SRRM1: variants seen among roughly 807,000 people sequenced by gnomAD.
SRRM1 encodes the protein serine and arginine repetitive matrix 1.
A neutral mutation model predicts 110.2 loss-of-function variants in SRRM1; 19 were observed. That is an observed-to-expected ratio of 0.17 (90% CI 0.12 to 0.25). SRRM1 has a LOEUF of 0.25. Ranked by LOEUF, SRRM1 falls within the 10% of genes least tolerant of loss-of-function variation. The pLI, the probability that SRRM1 is intolerant of heterozygous loss-of-function variation, is 1.00. For synonymous variants in SRRM1, 443 were observed against 414.9 expected (o/e 1.07, Z -0.82); for missense variants, 918 against 1,145.8 (o/e 0.80, Z 2.87).
Position 24,660,789 on chromosome 1 carries a change from A to G in SRRM1, c.1386A>G (p.Leu462=), listed in dbSNP as rs772612680. The change falls in exon 10 of 17, where the codon TTA becomes TTG. Residue 462 remains leucine (L), a synonymous_variant. Coordinates refer to ENST00000323848, the MANE Select transcript of SRRM1 (RefSeq NM_005839.4). ...CACCGAAGCCTAGAAAAGTAGAGTT[A>G]TCTGAATCGGGTAAGTTTGTTGTTT... ...SPAPKPRKVE[L]SESEEDKGGK... is the part of the protein sequence containing the mutation. The G allele has an allele frequency of 5.6e-6, 9 of 1,594,416 alleles. No individual in the cohort carries two copies. In the Admixed American group the frequency reaches 1.6e-4, roughly 28 times the overall value.
chr1:24,656,538 A>T (rs1000836478), intron 9 of SRRM1, among the ~76,000 whole-genome samples: 5 of 152,196 alleles, frequency 3.3e-5, no homozygotes, highest in African/African-American at 4.8e-5. Flanking sequence ...GCTTTTCAGC[A>T]TTGGGAAAAT....
intron 12 of SRRM1, 188 bp downstream of exon 12, chr1:24,662,992 G>A: frequency 1.0e-6 from 1 of 987,368 alleles, no homozygotes; most frequent in Non-Finnish European, 1.5e-6. Flanking sequence ...AATTAATTTA[G>A]AATTGGTAAA....
Position 24,669,476 on chromosome 1 carries a change from C to T in SRRM1, c.2093C>T (p.Pro698Leu). 6.2e-7 allele frequency: 1 copy of T among 1,613,544 alleles called. No individual in the cohort carries two copies. The highest frequency in any genetic ancestry group is 2.2e-5 in the East Asian group (1 of 44,852). Residue 698 changes from proline (P) to leucine (L), a missense_variant, in exon 14 of 17, where the codon CCA (proline) becomes CTA (leucine). Pro to Leu is a moderately conservative substitution (Grantham distance 98). Around this residue, in one of 5 missense-constraint regions of SRRM1, gnomAD observed 357 missense variants for 402.9 expected, o/e 0.89. Coordinates refer to ENST00000323848, the MANE Select transcript of SRRM1 (RefSeq NM_005839.4). ...GCTCCTCAGACCTCCTCAAGTCCTCCACCCGTTCGAAGAGGAGCGTCGTCA... is the reference window on the plus strand; with the variant it reads ...GCTCCTCAGACCTCCTCAAGTCCTCTACCCGTTCGAAGAGGAGCGTCGTCA... ...PRAPQTSSSP[P>L]PVRRGASSSP...
At chr1:24,663,033 T>C in intron 12 of SRRM1, 1 of 919,080 alleles carries the variant, frequency 1.1e-6, no homozygotes, top group East Asian at 2.7e-5. Flanking sequence ...TATGTGTGCA[T>C]GATTAGAAAA....
chr1:24,666,786 A>T (rs759186205), intron 12 of SRRM1, 29 bp from the exon 13 acceptor site: 3 of 1,592,866 alleles, frequency 1.9e-6, no homozygotes, highest in African/African-American at 2.7e-5. Context: ...AAAAAGAAAA[A>T]AAATTAACTA....
chr1:24,648,801 T>G, intron 3 of SRRM1, 58 bp from the exon 4 acceptor site: 1 of 1,523,832 alleles, frequency 6.6e-7, no homozygotes, highest in Non-Finnish European at 9.0e-7. Flanking sequence ...GTTGGTTGAT[T>G]TGTTGGTTGG....
chr1:24,644,547 CTTT>C (rs1361134685), intron 1 of SRRM1, among the ~76,000 whole-genome samples: 1 of 152,186 alleles, frequency 6.6e-6, no homozygotes, highest in Non-Finnish European at 1.5e-5. Context: ...TGAAATCCTT[CTTT>C]AATTGGCTTT....
At chr1:24,652,029 A>AATATATATAT (rs1215778545) in intron 6 of SRRM1, among the ~76,000 whole-genome samples, 2,631 of 79,644 alleles carry the variant, frequency 0.033, 120 homozygotes, top group Non-Finnish European at 0.043. Context: ...CTGTACTAAA[A>AATATATATAT]ATATATATAT....
At position 24,669,630 on chromosome 1, in the gene SRRM1, C is replaced by T. The variant is rs1671725174; in HGVS notation, c.2204+43C>T. On this transcript the variant is annotated intron_variant, in intron 14 of 16. Coordinates refer to ENST00000323848, the MANE Select transcript of SRRM1 (RefSeq NM_005839.4). ...TTTTCCATTAGGAATACTTACATAG[C>T]TGTTTATATTTGGAAGCTTCCCCCC... 7.8e-6 allele frequency: 11 copies of T among 1,417,432 alleles called. No homozygotes were observed. In the East Asian group the frequency reaches 2.8e-4, roughly 36 times the overall value. 87.8% of individuals were successfully genotyped at this position (1,417,432 alleles called of 1,614,324 possible). A position where few individuals can be genotyped will look rare whatever the true frequency, so the allele number is the denominator to read the frequency against.
chr1:24,669,141 A>G lies in SRRM1; in HGVS notation c.1758A>G (p.Pro586=). 6.2e-7 allele frequency: 1 copy of G among 1,607,558 alleles called. No individual in the cohort carries two copies. The highest frequency in any genetic ancestry group is 1.1e-5 in the South Asian group (1 of 90,934). The change falls in exon 14 of 17, where the codon CCA becomes CCG. Residue 586 remains proline (P), a synonymous_variant. Transcript: ENST00000323848. ...TTCCTAGGACTCCTTCTCCTCCCCC[A>G]CGTCGGCGCTCACCTTCTCCTAGAA... The part of the protein sequence containing the change: ...PPRRRTPSPP[P]RRRSPSPRRY...
chr1:24,661,527 G>A (rs1340622458), intron 11 of SRRM1, 131 bp downstream of exon 11: 4 of 607,578 alleles, frequency 6.6e-6, no homozygotes, highest in Non-Finnish European at 1.1e-5. Context: ...AGGCAGGATT[G>A]TTTCTTTTTT....
At position 24,652,557 on chromosome 1, in the gene SRRM1, A is replaced by G. The variant is rs953200822; in HGVS notation, c.849A>G (p.Lys283=). 1 of 1,613,830 alleles carries G rather than the reference A, an allele frequency of 6.2e-7. No individual in the cohort carries two copies. Among genetic ancestry groups the G allele is most frequent in the African/African-American group, 1.3e-5 (1 of 74,898 alleles). ...GACCACGATCTCGGTCACGCTCCAA[A>G]TCAAGATCCCGGACGCGGTCCCGCT... ...KTRPRSRSRS[K]SRSRTRSRSP... Residue 283 remains lysine (K), a synonymous_variant, in exon 7 of 17, where the codon AAA becomes AAG. Transcript: ENST00000323848.
At chr1:24,651,852 T>C (rs1660847297) in intron 6 of SRRM1, among the ~76,000 whole-genome samples, 1 of 151,282 alleles carries the variant, frequency 6.6e-6, no homozygotes, top group Non-Finnish European at 1.5e-5. Context: ...TAACTTGCTT[T>C]TTTTCCTCAA....
chr1:24,671,336 A>G lies in SRRM1; in HGVS notation c.2401-50A>G, dbSNP rs1350576185. The G allele has an allele frequency of 4.7e-6, 7 of 1,486,776 alleles. No homozygotes were observed. The East Asian group carries it at 1.6e-4, about 33-fold the overall frequency. The allele number at this position is 1,486,776 out of a possible 1,614,324, so 92.1% of individuals were successfully genotyped here. ...AATAAAATGTTCAGTTGGACAGAAT[A>G]TTAATCAGATTGATTATAAATGCTG... On this transcript the variant is annotated intron_variant, in intron 15 of 16. Transcript: ENST00000323848.
At chr1:24,653,925 T>A (rs1662527562) in intron 8 of SRRM1, among the ~76,000 whole-genome samples, 1 of 152,222 alleles carries the variant, frequency 6.6e-6, no homozygotes, top group Non-Finnish European at 1.5e-5. Context: ...CTCTGTAAAG[T>A]TACTTTGTTT....
intron 12 of SRRM1, among the ~76,000 whole-genome samples, chr1:24,665,896 C>A (rs181578757): frequency 6.6e-6 from 1 of 152,096 alleles, no homozygotes; most frequent in South Asian, 2.1e-4. Context: ...AAACATAATT[C>A]CAGATTCACA....
intron 10 of SRRM1, 74 bp from the exon 11 acceptor site, chr1:24,661,234 CTA>C (rs1667089840): frequency 9.9e-7 from 1 of 1,010,112 alleles, no homozygotes; most frequent in Admixed American, 2.0e-5. Context: ...GTTTGAGAGA[CTA>C]TTTTCCTATT....
chr1:24,668,495 C>T (rs1413506214), intron 13 of SRRM1, among the ~76,000 whole-genome samples: 3 of 152,118 alleles, frequency 2.0e-5, no homozygotes, highest in Non-Finnish European at 4.4e-5. Flanking sequence ...TAACTCTGGG[C>T]AGGAATTTAC....
intron 3 of SRRM1, chr1:24,648,236 T>A (rs1419437616): frequency 1.3e-5 from 2 of 152,254 alleles, no homozygotes; most frequent in Admixed American, 6.5e-5. Context: ...GATTTAGCAT[T>A]TAAAAACCCA....
Sources: gnomAD v4.1 joint callset for allele counts (sites outside exome capture counted in the v4.1 genomes callset) on GRCh38, gnomAD v4.1.1 for gene constraint, gnomAD v4.1.1 regional missense constraint, MANE v1.5 for transcripts, NCBI Gene and HGNC (gene_info 2026-07-23, HGNC 2026-07-21) for gene names.